The following STIM2 variants were observed in gnomAD, a reference collection of about 807,000 sequenced individuals.
The protein encoded by STIM2 is stromal interaction molecule 2.
A neutral mutation model predicts 85.8 loss-of-function variants in STIM2; 31 were observed. The ratio of observed to expected loss-of-function variants is 0.36; its 90% CI spans 0.27 to 0.49. The LOEUF (loss-of-function observed/expected upper bound fraction) is 0.49. Among genes scored for constraint, STIM2 ranks in the 20% least tolerant of loss-of-function variants. The probability of loss-of-function intolerance (pLI) is 0.98; values close to 1 mark genes in which losing one functional copy is unlikely to be tolerated. For synonymous variants in STIM2, 356 were observed against 331.1 expected (o/e 1.08, Z -0.82); for missense variants, 841 against 927.6 (o/e 0.91, Z 1.21).
intron 1 of STIM2, among the ~76,000 whole-genome samples, chr4:26,901,939 A>G (rs766311897): frequency 6.6e-6 from 1 of 152,216 alleles, no homozygotes; most frequent in Non-Finnish European, 1.5e-5. Flanking sequence ...CAGAGTAGGA[A>G]GCATCTAACT....
chr4:26,991,133 A>T (rs181711794), intron 3 of STIM2, among the ~76,000 whole-genome samples: 2 of 152,274 alleles, frequency 1.3e-5, no homozygotes, highest in East Asian at 3.9e-4. Context: ...CTGCACTCTC[A>T]TGTTTACTGC....
chr4:26,964,679 C>T (rs1399950260), intron 3 of STIM2, among the ~76,000 whole-genome samples: 3 of 151,998 alleles, frequency 2.0e-5, no homozygotes, highest in Non-Finnish European at 4.4e-5. Flanking sequence ...CTAGTAAATG[C>T]TTATTATGAG....
chr4:26,927,680 TAAAAAAAAAAAAAAAAAA>T (rs71186498), intron 2 of STIM2, among the ~76,000 whole-genome samples: 6 of 23,454 alleles, frequency 2.6e-4, no homozygotes, highest in African/African-American at 7.3e-4. Context: ...TAGAGTATAA[TAAAAAAAAAAAAAAAAAA>T]AAAAAAAAAC....
At chr4:26,927,880 A>G (rs1024165860) in intron 2 of STIM2, among the ~76,000 whole-genome samples, 1 of 146,452 alleles carries the variant, frequency 6.8e-6, no homozygotes, top group African/African-American at 2.5e-5. Flanking sequence ...TTATATATTA[A>G]TATATAATAT....
intron 1 of STIM2, among the ~76,000 whole-genome samples, chr4:26,869,028 C>T (rs900100472): frequency 1.1e-4 from 16 of 152,060 alleles, no homozygotes; most frequent in South Asian, 6.2e-4. Flanking sequence ...TACGCTGTAG[C>T]TTATGCCTGT....
chr4:26,877,333 G>A (rs145279088), intron 1 of STIM2, among the ~76,000 whole-genome samples: 440 of 151,838 alleles, frequency 2.9e-3, no homozygotes, highest in African/African-American at 9.6e-3. Context: ...TACAGTTTTC[G>A]TATCCCTGCT....
At chr4:26,945,845 A>G (rs907086643) in intron 2 of STIM2, among the ~76,000 whole-genome samples, 2 of 151,440 alleles carry the variant, frequency 1.3e-5, no homozygotes, top group African/African-American at 2.4e-5. Context: ...CGTACTTTTC[A>G]CTCAGTGTTG....
chr4:26,961,096 T>C (rs1213612740), intron 3 of STIM2, among the ~76,000 whole-genome samples: 1 of 152,148 alleles, frequency 6.6e-6, no homozygotes, highest in African/African-American at 2.4e-5. Context: ...TATAGGAATT[T>C]ACATTAAAAA....
intron 2 of STIM2, among the ~76,000 whole-genome samples, chr4:26,936,928 A>G (rs563509542): frequency 1.3e-5 from 2 of 152,216 alleles, no homozygotes; most frequent in African/African-American, 2.4e-5. Flanking sequence ...TAGCTGGGAT[A>G]CAGTCATGAG....
intron 3 of STIM2, among the ~76,000 whole-genome samples, chr4:26,979,338 A>T (rs1313443170): frequency 6.6e-6 from 1 of 152,218 alleles, no homozygotes; most frequent in Non-Finnish European, 1.5e-5. Context: ...CTTGAGAAAG[A>T]GATGCTTTCT....
intron 3 of STIM2, among the ~76,000 whole-genome samples, chr4:26,965,499 T>G (rs1051843270): frequency 6.6e-6 from 1 of 152,176 alleles, no homozygotes; most frequent in Non-Finnish European, 1.5e-5. Context: ...ATTATCCAAA[T>G]GAGTTCAGAG....
intron 10 of STIM2, among the ~76,000 whole-genome samples, chr4:27,014,737 C>G (rs1327850573): frequency 6.6e-6 from 1 of 151,760 alleles, no homozygotes; most frequent in Non-Finnish European, 1.5e-5. Context: ...ACATTTTTGT[C>G]TGTTCTTCTA....
intron 1 of STIM2, among the ~76,000 whole-genome samples, chr4:26,872,958 A>C (rs529045520): frequency 6.4e-4 from 97 of 152,350 alleles, no homozygotes; most frequent in South Asian, 2.9e-3. Flanking sequence ...GCAAGAAAGA[A>C]TTGGAATTAT....
rs1227951156 is a variant in STIM2, at chr4:26,999,365, C to T, written c.625+18C>T. Reference sequence around the variant, plus strand: ...TCTAACACGTTAGTATTCTCTCTCACTCAGAGGATGATGTAAAAGAATATC... The same window carrying T: ...TCTAACACGTTAGTATTCTCTCTCATTCAGAGGATGATGTAAAAGAATATC... On this transcript the variant is annotated intron_variant, in intron 5 of 11. Transcript: ENST00000467087. The T allele has an allele frequency of 4.7e-6, 7 of 1,505,008 alleles. No homozygotes were observed. Among genetic ancestry groups the T allele is most frequent in the South Asian group, 1.2e-5 (1 of 84,860 alleles). 93.2% of individuals were successfully genotyped at this position (1,505,008 alleles called of 1,614,324 possible). A position where few individuals can be genotyped will look rare whatever the true frequency, so the allele number is the denominator to read the frequency against.
At chr4:26,958,985 G>A (rs1726350745) in intron 3 of STIM2, among the ~76,000 whole-genome samples, 1 of 152,114 alleles carries the variant, frequency 6.6e-6, no homozygotes, top group Non-Finnish European at 1.5e-5. Context: ...TGACCACTTA[G>A]GTCTTGTACT....
chr4:26,969,235 T>C (rs1726841462), intron 3 of STIM2, among the ~76,000 whole-genome samples: 1 of 152,214 alleles, frequency 6.6e-6, no homozygotes. Context: ...CAATCCTTGT[T>C]GAACAATGTC....
intron 2 of STIM2, among the ~76,000 whole-genome samples, chr4:26,928,032 G>A (rs1448228397): frequency 8.6e-5 from 13 of 151,924 alleles, no homozygotes; most frequent in Admixed American, 8.5e-4. Context: ...CAGGTTTGGT[G>A]ATTCTGATTT....
chr4:26,869,849 G>C (rs1577405100), intron 1 of STIM2, among the ~76,000 whole-genome samples: 1 of 151,078 alleles, frequency 6.6e-6, no homozygotes, highest in South Asian at 2.1e-4. Context: ...AGAGATATCT[G>C]CACTGCTATG....
chr4:26,901,188 T>C (rs891548158), intron 1 of STIM2, among the ~76,000 whole-genome samples: 2 of 152,240 alleles, frequency 1.3e-5, no homozygotes, highest in Non-Finnish European at 2.9e-5. Flanking sequence ...GTAGAAAATA[T>C]GTTTTGCACA....
Sources: gnomAD v4.1 joint callset for allele counts (sites outside exome capture counted in the v4.1 genomes callset) on GRCh38, gnomAD v4.1.1 for gene constraint, MANE v1.5 for transcripts, NCBI Gene and HGNC (gene_info 2026-07-23, HGNC 2026-07-21) for gene names.